The following WWC1 variants were observed in gnomAD, a reference collection of about 807,000 sequenced individuals.
WWC1 encodes WW and C2 domain containing 1.
Under a neutral mutation model 138.4 loss-of-function variants are expected in WWC1, and 55 were observed. The observed-to-expected ratio is 0.40, with a 90% CI of 0.32 to 0.50. The LOEUF is 0.50. WWC1 is among the 20% of genes least tolerant of loss of function. The pLI is 0.72. For synonymous variants in WWC1, 524 were observed against 564.9 expected (o/e 0.93, Z 1.03); for missense variants, 1,226 against 1,420.4 (o/e 0.86, Z 2.20).
intron 2 of WWC1, among the ~76,000 whole-genome samples, chr5:168,380,516 T>C (rs1777547476): frequency 1.3e-5 from 2 of 152,000 alleles, no homozygotes; most frequent in African/African-American, 4.8e-5. Flanking sequence ...AGGAAAAAAA[T>C]AACAATACCA....
At chr5:168,323,017 A>C (rs897566781) in intron 1 of WWC1, among the ~76,000 whole-genome samples, 1 of 152,246 alleles carries the variant, frequency 6.6e-6, no homozygotes, top group Non-Finnish European at 1.5e-5. Context: ...AAAGTCAGTC[A>C]ATAGAAACAG....
intron 1 of WWC1, among the ~76,000 whole-genome samples, chr5:168,294,419 CA>C (rs370464487): frequency 0.015 from 2,278 of 151,244 alleles, 47 homozygotes; most frequent in African/African-American, 0.053. Flanking sequence ...GATAGGCAAA[CA>C]AAAAAAACAA....
At chr5:168,356,313 C>T (rs968589757) in intron 1 of WWC1, among the ~76,000 whole-genome samples, 8 of 152,256 alleles carry the variant, frequency 5.3e-5, no homozygotes, top group Non-Finnish European at 7.3e-5. Flanking sequence ...CATGCCGATG[C>T]GGCCGGAGGC....
chr5:168,414,888 A>T (rs67374914), intron 9 of WWC1: 167,696 of 338,934 alleles, frequency 0.49, 45,052 homozygotes, highest in East Asian at 0.8. Context: ...TATATAACTT[A>T]AAGCAGTCAT....
chr5:168,428,094 C>T lies in WWC1; in HGVS notation c.1872C>T (p.Asp624=), dbSNP rs6874818. The T allele has an allele frequency of 1.4e-3, 2,256 of 1,613,762 alleles. 26 individuals carry two copies. In the African/African-American group the frequency reaches 0.023, roughly 17 times the overall value. The change falls in exon 12 of 23, where the codon GAC becomes GAT. Residue 624 remains aspartate (D), a synonymous_variant. Coordinates refer to ENST00000265293, the MANE Select transcript of WWC1 (RefSeq NM_015238.3). ...KVACVSAAVS[D]ESVAGDSGVY... is the part of the protein sequence containing the mutation. The stretch of plus-strand genomic sequence containing the variant: ...CCTGTGTCTCAGCCGCCGTATCGGA[C>T]GAGTCAGTGGCTGGAGACAGTGGTG...
At chr5:168,390,133 G>A in intron 3 of WWC1, among the ~76,000 whole-genome samples, 1 of 152,148 alleles carries the variant, frequency 6.6e-6, no homozygotes, top group African/African-American at 2.4e-5. Flanking sequence ...TGCCACTTCT[G>A]TGTCTCAGTT....
rs113311252 is a variant in WWC1, at chr5:168,410,012, TA to T, written c.941+18del. ...TAAGAGAAGGTAATTGGGCTGGGGC[TA>T]GGGGCGGGATGGTTCCAAAAATAAT... On this transcript the variant is annotated intron_variant, in intron 8 of 22. Coordinates refer to ENST00000265293, the MANE Select transcript of WWC1 (RefSeq NM_015238.3). 0.1 allele frequency: 165,976 copies of T among 1,613,052 alleles called. 9,404 individuals carry two copies. The highest frequency in any genetic ancestry group is 0.12 in the African/African-American group (8,708 of 75,002).
intron 19 of WWC1, among the ~76,000 whole-genome samples, chr5:168,457,293 T>C (rs1442854632): frequency 6.6e-6 from 1 of 152,168 alleles, no homozygotes; most frequent in East Asian, 1.9e-4. Flanking sequence ...AAAATTTTCC[T>C]ATCATTTCCT....
chr5:168,295,519 T>TG (rs70976473), intron 1 of WWC1, among the ~76,000 whole-genome samples: 31 of 151,660 alleles, frequency 2.0e-4, no homozygotes, highest in East Asian at 1.4e-3. Flanking sequence ...TGTGTGTGTG[T>TG]TTATTTGCCT....
chr5:168,334,292 C>T (rs532610268), intron 1 of WWC1, among the ~76,000 whole-genome samples: 9 of 152,146 alleles, frequency 5.9e-5, no homozygotes, highest in African/African-American at 2.2e-4. Context: ...CACTCAACAA[C>T]ACAGGACTGA....
At chr5:168,345,178 C>T (rs1453986120) in intron 1 of WWC1, among the ~76,000 whole-genome samples, 1 of 152,180 alleles carries the variant, frequency 6.6e-6, no homozygotes, top group African/African-American at 2.4e-5. Context: ...AATCTTGGCT[C>T]ACTGCAGTCT....
At chr5:168,395,726 C>T (rs1372859599) in intron 3 of WWC1, among the ~76,000 whole-genome samples, 1 of 152,194 alleles carries the variant, frequency 6.6e-6, no homozygotes, top group Non-Finnish European at 1.5e-5. Flanking sequence ...GCCCTTGCCA[C>T]CCCAAGTGTT....
chr5:168,363,248 G>T (rs549529322), intron 1 of WWC1, among the ~76,000 whole-genome samples: 6 of 152,236 alleles, frequency 3.9e-5, no homozygotes, highest in African/African-American at 1.4e-4. Context: ...AGGAAGCCAG[G>T]TGTGGTGGCT....
chr5:168,423,887 C>A lies in WWC1; in HGVS notation c.1629C>A (p.Pro543=). ...CCCCACGTTCCTCTCTCTCCTCCCC[C>A]TCCCCACCCTGTTCCCCTCTCATGG... ...SLSPRSSLSS[P]SPPCSPLMAD... is the part of the protein sequence containing the mutation. Residue 543 remains proline, a synonymous_variant, in exon 11 of 23, where the codon CCC becomes CCA. Transcript: ENST00000265293. 1 of 1,614,104 alleles carries A rather than the reference C, an allele frequency of 6.2e-7. No individual in the cohort carries two copies. The highest frequency in any genetic ancestry group is 8.5e-7 in the Non-Finnish European group (1 of 1,179,988).
At chr5:168,426,534 G>A (rs913869697) in intron 11 of WWC1, among the ~76,000 whole-genome samples, 3 of 152,224 alleles carry the variant, frequency 2.0e-5, no homozygotes, top group African/African-American at 4.8e-5. Context: ...GCCAGGCAGA[G>A]CTTAGACGCT....
chr5:168,449,258 AT>A (rs1162202877), intron 17 of WWC1, among the ~76,000 whole-genome samples: 2 of 151,246 alleles, frequency 1.3e-5, no homozygotes, highest in Non-Finnish European at 3.0e-5. Context: ...TTTTTTTCTC[AT>A]CTTGGAATAT....
intron 21 of WWC1, among the ~76,000 whole-genome samples, chr5:168,466,863 A>G (rs1010448632): frequency 6.6e-6 from 1 of 152,168 alleles, no homozygotes; most frequent in African/African-American, 2.4e-5. Flanking sequence ...ACTGAGAAGT[A>G]ATATGTGCCC....
Position 168,292,347 on chromosome 5 carries a change from G to A in WWC1, c.119+76G>A. On this transcript the variant is annotated intron_variant, in intron 1 of 22. Transcript: ENST00000265293. This position sits in a 1 kb window ranked among gnomAD's most constrained non-coding sequence, Gnocchi z 4.4. ...CACCTGCCCCTGGAGCCGCCGGCCGGGACTGGGAGGGGGCAGGGGAGCTCT... is the reference window on the plus strand; with the variant it reads ...CACCTGCCCCTGGAGCCGCCGGCCGAGACTGGGAGGGGGCAGGGGAGCTCT... 9 of 1,507,600 alleles carry A rather than the reference G, an allele frequency of 6.0e-6. No homozygotes were observed. Among genetic ancestry groups the A allele is most frequent in the Middle Eastern group, 1.9e-4 (1 of 5,278 alleles). The allele number at this position is 1,507,600 out of a possible 1,614,324, so 93.4% of individuals were successfully genotyped here.
chr5:168,467,775 G>C, intron 21 of WWC1, 65 bp from the exon 22 acceptor site: 2 of 1,607,806 alleles, frequency 1.2e-6, no homozygotes, highest in Non-Finnish European at 1.7e-6. Flanking sequence ...TTGTGATAGC[G>C]AGTTCTCCTT....
Sources: allele counts gnomAD v4.1 joint callset (sites outside exome capture counted in the v4.1 genomes callset), GRCh38; gene constraint gnomAD v4.1.1; non-coding constraint Gnocchi (gnomAD v3.1); transcripts MANE v1.5; gene names NCBI Gene and HGNC (gene_info 2026-07-23, HGNC 2026-07-21).